KIF3C: variants seen among roughly 807,000 people sequenced by gnomAD.
The protein encoded by KIF3C is kinesin-like protein KIF3C.
Under a neutral mutation model 67.7 loss-of-function variants are expected in KIF3C, and 12 were observed. The ratio of observed to expected loss-of-function variants is 0.18; its 90% CI spans 0.11 to 0.29. KIF3C has a LOEUF of 0.29. KIF3C is among the 10% of genes least tolerant of loss of function. KIF3C has a pLI of 1.00. For missense variants in KIF3C, 789 were observed against 1,059.6 expected (o/e 0.74, Z 3.55); for synonymous variants, 393 against 426.2 (o/e 0.92, Z 0.96).
At position 25,929,399 on chromosome 2, in the gene KIF3C, G is replaced by C; in HGVS notation, c.2194C>G (p.Gln732Glu). The change falls in exon 7 of 8, where the codon CAA becomes GAA. Residue 732 changes from glutamine (Q) to glutamate (E), a missense_variant. Coordinates refer to ENST00000264712, the MANE Select transcript of KIF3C (RefSeq NM_002254.8). ...FEMEFSHDQE[Q>E]DPRALHMERL... ...TCCATGTGTAGCGCACGAGGGTCTT[G>C]TTCTTGGTCGTGAGAGAATTCCATC... is the stretch of plus-strand genomic sequence containing the variant. 1.2e-6 allele frequency: 2 copies of C among 1,614,114 alleles called. No individual in the cohort carries two copies. The highest frequency in any genetic ancestry group is 2.2e-5 in the South Asian group (2 of 91,076).
chr2:25,960,190 G>A (rs933520872), intron 1 of KIF3C, among the ~76,000 whole-genome samples: 2 of 152,080 alleles, frequency 1.3e-5, no homozygotes, highest in Non-Finnish European at 2.9e-5. Flanking sequence ...GATCGCTTGA[G>A]CCCAGGGGTT....
intron 5 of KIF3C, among the ~76,000 whole-genome samples, chr2:25,950,216 T>A (rs749604674): frequency 2.0e-5 from 3 of 147,546 alleles, no homozygotes; most frequent in Non-Finnish European, 4.5e-5. Context: ...CCTTTTCTTT[T>A]CTTTTCTTTT....
chr2:25,962,803 A>T (rs867198233), intron 1 of KIF3C, among the ~76,000 whole-genome samples: 36 of 80,084 alleles, frequency 4.5e-4, no homozygotes, highest in African/African-American at 2.1e-3. Flanking sequence ...ATATTATATA[A>T]TATATAATAT....
chr2:25,932,700 G>A (rs1348270762), intron 5 of KIF3C, among the ~76,000 whole-genome samples: 1 of 151,390 alleles, frequency 6.6e-6, no homozygotes, highest in Non-Finnish European at 1.5e-5. Flanking sequence ...GGGTGTGGTG[G>A]CACACACCTG....
rs1445268584 is a variant in KIF3C at position 25,927,943 on chromosome 2, G to A, written c.*1035C>T. 6.6e-6 allele frequency: 1 copy of A among 152,586 alleles called. No individual in the cohort carries two copies. The highest frequency in any genetic ancestry group is 2.4e-5 in the African/African-American group (1 of 41,442). The allele number at this position is 152,586 out of a possible 1,614,324, so 9.5% of individuals were successfully genotyped here. ...ACCTTAAAGATGCAATTCAGAAACA[G>A]GGGTAACAGGCAAAGCTGGAAAAGA... On this transcript the variant is annotated 3_prime_UTR_variant, in exon 8 of 8. Transcript: ENST00000264712.
At chr2:25,978,477 G>A (rs1200794598) in intron 1 of KIF3C, among the ~76,000 whole-genome samples, 1 of 152,142 alleles carries the variant, frequency 6.6e-6, no homozygotes, top group Non-Finnish European at 1.5e-5. Context: ...GTGGCCCTGG[G>A]CAAGTCCAGG....
chr2:25,952,080 AG>A (rs1485386088), intron 4 of KIF3C, among the ~76,000 whole-genome samples, 175 bp from the exon 5 acceptor site: 1 of 152,194 alleles, frequency 6.6e-6, no homozygotes, highest in Non-Finnish European at 1.5e-5. Flanking sequence ...TCACGAGGTC[AG>A]GAGATCAAGA....
chr2:25,936,356 CGT>C (rs1033160836), intron 5 of KIF3C, among the ~76,000 whole-genome samples: 1 of 151,864 alleles, frequency 6.6e-6, no homozygotes, highest in Non-Finnish European at 1.5e-5. Context: ...TAAGGAAATG[CGT>C]GTGTGTGTGT....
At position 25,982,401 on chromosome 2, in the gene KIF3C, C is replaced by T. The variant is rs1360167264; in HGVS notation, c.-484G>A. ...GCAGAGGCTCACCTGGAGTCCTCCCCCCAAGCTGGGGGATCATTCATTGCA... is the reference window on the plus strand; with the variant it reads ...GCAGAGGCTCACCTGGAGTCCTCCCTCCAAGCTGGGGGATCATTCATTGCA... On this transcript the variant is annotated 5_prime_UTR_variant, in exon 1 of 8. Transcript: ENST00000264712. 7 of 398,528 alleles carry T rather than the reference C, an allele frequency of 1.8e-5. No individual in the cohort carries two copies. Among genetic ancestry groups the T allele is most frequent in the Non-Finnish European group, 3.1e-5 (7 of 226,072 alleles). 24.7% of individuals were successfully genotyped at this position (398,528 alleles called of 1,614,324 possible). A position where few individuals can be genotyped will look rare whatever the true frequency, so the allele number is the denominator to read the frequency against.
intron 4 of KIF3C, among the ~76,000 whole-genome samples, chr2:25,953,473 G>T (rs1355748078): frequency 6.9e-6 from 1 of 143,972 alleles, no homozygotes; most frequent in African/African-American, 2.6e-5. Context: ...CCATTCTCCT[G>T]CCTCAGCCTC....
chr2:25,980,710 C>T lies in KIF3C; in HGVS notation c.1208G>A (p.Arg403Gln), dbSNP rs868185590. 11 of 1,614,052 alleles carry T rather than the reference C, an allele frequency of 6.8e-6. No homozygotes were observed. Among genetic ancestry groups the T allele is most frequent in the East Asian group, 4.5e-5 (2 of 44,894 alleles). Reference protein sequence around the residue: ...QLEKRGMLGKRPRRKSSRRKK... With the variant: ...QLEKRGMLGKQPRRKSSRRKK... ...CCTGCGGCTGCTCTTCCTCCGGGGCCGCTTCCCCAGCATCCCCCTCTTCTC... is the reference window on the plus strand; with the variant it reads ...CCTGCGGCTGCTCTTCCTCCGGGGCTGCTTCCCCAGCATCCCCCTCTTCTC... Residue 403 changes from arginine (R) to glutamine (Q), a missense_variant, in exon 1 of 8, where the codon CGG (arginine) becomes CAG (glutamine). By Grantham distance (43) the Arg-to-Gln change is conservative (BLOSUM62 1). Around this residue, in one of 2 missense-constraint regions of KIF3C, gnomAD observed 648 missense variants for 807.8 expected, o/e 0.80. Transcript: ENST00000264712. This position sits in a 1 kb window ranked among gnomAD's most constrained non-coding sequence, Gnocchi z 7.6.
chr2:25,947,894 A>G (rs547997878), intron 5 of KIF3C, among the ~76,000 whole-genome samples: 8 of 152,322 alleles, frequency 5.3e-5, no homozygotes, highest in South Asian at 2.1e-4. Context: ...TAAATTAAAA[A>G]AAAATTTTAG....
intron 1 of KIF3C, among the ~76,000 whole-genome samples, chr2:25,961,044 A>T (rs536274557): frequency 2.0e-5 from 3 of 152,382 alleles, no homozygotes; most frequent in African/African-American, 7.2e-5. Context: ...TGACTCCTTT[A>T]GGAAGCAGAA....
intron 5 of KIF3C, among the ~76,000 whole-genome samples, chr2:25,940,416 C>T (rs1162736322): frequency 6.6e-6 from 1 of 151,722 alleles, no homozygotes; most frequent in Non-Finnish European, 1.5e-5. Flanking sequence ...ACTAAAAATA[C>T]AAAAATTAGC....
intron 1 of KIF3C, among the ~76,000 whole-genome samples, chr2:25,962,010 A>T (rs1663957127): frequency 1.3e-5 from 2 of 152,156 alleles, no homozygotes; most frequent in Non-Finnish European, 2.9e-5. Flanking sequence ...ATAAGTCTGG[A>T]AATGAAACAA....
chr2:25,951,627 T>G, intron 5 of KIF3C, 162 bp downstream of exon 5: 1 of 582,806 alleles, frequency 1.7e-6, no homozygotes, highest in Non-Finnish European at 3.1e-6. Context: ...ACCCCTACAA[T>G]TAGATCCTGA....
intron 5 of KIF3C, among the ~76,000 whole-genome samples, chr2:25,942,406 C>CA (rs70950140): frequency 0.84 from 126,670 of 149,986 alleles, 53,480 homozygotes; most frequent in East Asian, 0.99. Flanking sequence ...GACCTAGTTG[C>CA]AAAAAAAAAT....
chr2:25,981,983 G>A lies in KIF3C; in HGVS notation c.-66C>T, dbSNP rs964980752. The A allele has an allele frequency of 2.2e-6, 3 of 1,340,398 alleles. No homozygotes were observed. The highest frequency in any genetic ancestry group is 1.4e-5 in the South Asian group (1 of 69,810). The allele number at this position is 1,340,398 out of a possible 1,614,324, so 83.0% of individuals were successfully genotyped here. On this transcript the variant is annotated 5_prime_UTR_variant, in exon 1 of 8. Transcript: ENST00000264712. The surrounding 1 kb of genome is among the most constrained non-coding windows in gnomAD (Gnocchi z 8.2). ...CCTGGGCGGTCCTGCTATCCTGCTC[G>A]CTAGGTCGGGATCAGCGGGGCCGGC...
intron 5 of KIF3C, among the ~76,000 whole-genome samples, chr2:25,931,083 T>C (rs2090455150): frequency 6.6e-6 from 1 of 152,150 alleles, no homozygotes; most frequent in East Asian, 1.9e-4. Context: ...TTAAAAAAAT[T>C]AATAAAATTT....
Sources: allele counts gnomAD v4.1 joint callset (sites outside exome capture counted in the v4.1 genomes callset), GRCh38; gene constraint gnomAD v4.1.1; regional missense constraint gnomAD v4.1.1; non-coding constraint Gnocchi (gnomAD v3.1); transcripts MANE v1.5; gene names NCBI Gene and HGNC (gene_info 2026-07-23, HGNC 2026-07-21).